The following WDR36 variants were observed in gnomAD, a reference collection of about 807,000 sequenced individuals.
WDR36 encodes the protein WD repeat domain 36, also known as WD repeat-containing protein 36.
A neutral mutation model predicts 112.7 loss-of-function variants in WDR36; 63 were observed. That is an observed-to-expected ratio of 0.56 (90% CI 0.46 to 0.69). WDR36 has a LOEUF of 0.69. WDR36 is among the 30% of genes least tolerant of loss of function. WDR36 has a pLI of 0.00. For synonymous variants in WDR36, 410 were observed against 362.2 expected (o/e 1.13, Z -1.50); for missense variants, 1,226 against 1,070.3 (o/e 1.15, Z -2.03).
At position 111,123,835 on chromosome 5, in the gene WDR36, G is replaced by A. The variant is rs138125755; in HGVS notation, c.2179G>A (p.Val727Ile). Residue 727 changes from valine to isoleucine, a missense_variant, in exon 20 of 23, where the codon GTA becomes ATA. By Grantham distance (29) the Val-to-Ile change is conservative. Transcript: ENST00000513710. ...KKNKPKEPPK[V>I]PKSAPFFIPT... ...GAATAAACCAAAGGAACCACCCAAA[G>A]TACCCAAATCAGCACCATTTTTCAT... The A allele has an allele frequency of 6.2e-7, 1 of 1,613,784 alleles. No homozygotes were observed. Among genetic ancestry groups the A allele is most frequent in the Non-Finnish European group, 8.5e-7 (1 of 1,179,866 alleles).
intron 1 of WDR36, 127 bp downstream of exon 1, chr5:111,092,745 T>C: frequency 8.4e-7 from 1 of 1,183,934 alleles, no homozygotes; most frequent in African/African-American, 1.5e-5. Context: ...CTCCCTGTCC[T>C]ATTAATATTT....
rs530718158 is a variant in WDR36, at chr5:111,120,746, A to C, written c.2002+153A>C. 5.3e-5 allele frequency among the ~76,000 whole-genome samples: 8 copies of C among 152,280 alleles called. No individual in the cohort carries two copies. In the South Asian group the frequency reaches 1.7e-3, roughly 32 times the overall value. On this transcript the variant is annotated intron_variant, in intron 18 of 22. Coordinates refer to ENST00000513710, the MANE Select transcript of WDR36 (RefSeq NM_139281.3). ...GAATGACTTCATGAATTTATGCAAA[A>C]ATATAATTGATGTGGTATTGATAAG...
Position 111,092,352 on chromosome 5 carries a change from T to G in WDR36, c.-105T>G. 6.2e-7 allele frequency: 1 copy of G among 1,614,230 alleles called. No individual in the cohort carries two copies. The highest frequency in any genetic ancestry group is 2.2e-5 in the East Asian group (1 of 44,876). On this transcript the variant is annotated 5_prime_UTR_variant, in exon 1 of 23. Transcript: ENST00000513710. ...GCAGCGGGCGCCGGAAGCGGTGTTGTGTCTGCAGCTCTGGCAGAGGACTGT... is the reference window on the plus strand; with the variant it reads ...GCAGCGGGCGCCGGAAGCGGTGTTGGGTCTGCAGCTCTGGCAGAGGACTGT...
At chr5:111,115,309 C>A (rs531366762) in intron 16 of WDR36, among the ~76,000 whole-genome samples, 1 of 152,162 alleles carries the variant, frequency 6.6e-6, no homozygotes, top group Non-Finnish European at 1.5e-5. Context: ...TTAATTGCAA[C>A]TAAGCTAAGA....
chr5:111,118,901 G>C lies in WDR36; in HGVS notation c.1797-112G>C, dbSNP rs1245369862. On this transcript the variant is annotated intron_variant, in intron 16 of 22. Coordinates refer to ENST00000513710, the MANE Select transcript of WDR36 (RefSeq NM_139281.3). ...GATCAATGCTGGTGATTAAAAAAAA[G>C]AAAACATTTTCTGCATCTCTTATCC... 5 of 832,040 alleles carry C rather than the reference G, an allele frequency of 6.0e-6. No homozygotes were observed. In the African/African-American group the frequency reaches 8.4e-5, roughly 14 times the overall value. 51.5% of individuals were successfully genotyped at this position (832,040 alleles called of 1,614,324 possible). A position where few individuals can be genotyped will look rare whatever the true frequency, so the allele number is the denominator to read the frequency against.
chr5:111,110,312 T>A lies in WDR36; in HGVS notation c.1441+9T>A. 7 of 1,598,366 alleles carry A rather than the reference T, an allele frequency of 4.4e-6. No homozygotes were observed. Among genetic ancestry groups the A allele is most frequent in the Non-Finnish European group, 6.0e-6 (7 of 1,166,536 alleles). ...TTTTGGCAAGGATCAAGGTAGAGAATTTTTTTCCTTGTTTTTTATTAATGT... is the reference window on the plus strand; with the variant it reads ...TTTTGGCAAGGATCAAGGTAGAGAAATTTTTTCCTTGTTTTTTATTAATGT... On this transcript the variant is annotated intron_variant, in intron 13 of 22. Coordinates refer to ENST00000513710, the MANE Select transcript of WDR36 (RefSeq NM_139281.3).
chr5:111,120,500 A>G lies in WDR36; in HGVS notation c.1909A>G (p.Asn637Asp). Reference protein sequence around the residue: ...VDHLGIYLWSNISLYSVVSLR... With the variant: ...VDHLGIYLWSDISLYSVVSLR... The stretch of plus-strand genomic sequence containing the variant: ...GCTTATGTTTTGATTTTTCAGGTCC[A>G]ATATTTCCCTGTATTCAGTTGTTTC... Residue 637 changes from asparagine (N) to aspartate (D), a missense_variant, in exon 18 of 23, where the codon AAT becomes GAT. Physicochemically the swap from Asn to Asp is conservative, Grantham distance 23. Coordinates refer to ENST00000513710, the MANE Select transcript of WDR36 (RefSeq NM_139281.3). 1 of 1,611,478 alleles carries G rather than the reference A, an allele frequency of 6.2e-7. No individual in the cohort carries two copies. Among genetic ancestry groups the G allele is most frequent in the South Asian group, 1.1e-5 (1 of 90,980 alleles).
intron 16 of WDR36, among the ~76,000 whole-genome samples, chr5:111,118,587 A>C (rs1480015405): frequency 6.6e-6 from 1 of 152,128 alleles, no homozygotes; most frequent in Non-Finnish European, 1.5e-5. Flanking sequence ...ATTTTGTTAT[A>C]TTACTTTCTC....
intron 2 of WDR36, 77 bp from the exon 3 acceptor site, chr5:111,097,002 A>C: frequency 1.0e-6 from 1 of 973,178 alleles, no homozygotes; most frequent in South Asian, 1.4e-5. Context: ...AGCCATGAAA[A>C]ATGTTATATG....
chr5:111,093,947 G>T (rs1159750708), intron 1 of WDR36, among the ~76,000 whole-genome samples: 1 of 152,098 alleles, frequency 6.6e-6, no homozygotes, highest in Non-Finnish European at 1.5e-5. Flanking sequence ...GCATGTAAAT[G>T]TTCTTTACCC....
In WDR36 at chr5:111,092,592, G is replaced by A. The variant is rs1383067612; in HGVS notation, c.136G>A (p.Val46Met). Residue 46 changes from valine to methionine, a missense_variant, in exon 1 of 23, where the codon GTG (valine) becomes ATG (methionine). Physicochemically the swap from Val to Met is conservative, Grantham distance 21. Coordinates refer to ENST00000513710, the MANE Select transcript of WDR36 (RefSeq NM_139281.3). ...GCGCCGGTTCTATGTAACAACCTGC[G>A]TGGGCAAGAGTTTCCACACCTATGA... The part of the protein sequence containing the change: ...LKRRFYVTTC[V>M]GKSFHTYDVQ... 1.2e-6 allele frequency: 2 copies of A among 1,613,812 alleles called. No homozygotes were observed. Among genetic ancestry groups the A allele is most frequent in the South Asian group, 2.2e-5 (2 of 91,058 alleles).
intron 11 of WDR36, among the ~76,000 whole-genome samples, chr5:111,106,695 T>A (rs1414890979): frequency 6.6e-6 from 1 of 151,460 alleles, no homozygotes; most frequent in Non-Finnish European, 1.5e-5. Context: ...CTAAAAACAT[T>A]TGAATCACAT....
chr5:111,102,361 T>C lies in WDR36; in HGVS notation c.559T>C (p.Phe187Leu), dbSNP rs1053782133. ...TTCTTGTAGTAAACTTCTATATACA[T>C]TTCCAGGATGGAAAGTTGGAGTGAC... ...NVKSNKLLYT[F>L]PGWKVGVTAL... Residue 187 changes from phenylalanine (F) to leucine (L), a missense_variant, in exon 6 of 23, where the codon TTT (phenylalanine) becomes CTT (leucine). Transcript: ENST00000513710. 2 of 1,610,458 alleles carry C rather than the reference T, an allele frequency of 1.2e-6. No individual in the cohort carries two copies. Among genetic ancestry groups the C allele is most frequent in the Non-Finnish European group, 1.7e-6 (2 of 1,177,654 alleles).
intron 16 of WDR36, among the ~76,000 whole-genome samples, chr5:111,117,457 C>A (rs572033867): frequency 6.6e-6 from 1 of 152,248 alleles, no homozygotes; most frequent in African/African-American, 2.4e-5. Context: ...TGTAGGCATA[C>A]CCTCAGTGTG....
At position 111,107,427 on chromosome 5, in the gene WDR36, C is replaced by T. The variant is rs1206133290; in HGVS notation, c.1314C>T (p.Asp438=). ...AGCCAAAAGAGTTGAAGAAAGATGA[C>T]ATAACTGCAACAGTAAGTGAGCTTG... The part of the protein sequence containing the change: ...FLKPKELKKD[D]ITATAVDITS... Residue 438 remains aspartate (D), a synonymous_variant, in exon 12 of 23, where the codon GAC becomes GAT. Transcript: ENST00000513710. The T allele has an allele frequency of 6.2e-7, 1 of 1,609,808 alleles. No individual in the cohort carries two copies. The highest frequency in any genetic ancestry group is 1.3e-5 in the African/African-American group (1 of 74,686).
rs200639527 is a variant in WDR36 at position 111,092,439 on chromosome 5, G to A, written c.-18G>A. On this transcript the variant is annotated 5_prime_UTR_variant, in exon 1 of 23. Coordinates refer to ENST00000513710, the MANE Select transcript of WDR36 (RefSeq NM_139281.3). ...TCCTTCAGGACCAGAGCTGAGAGGA[G>A]CTGGGATCGCGGCGGCAATGGAACG... 7.4e-6 allele frequency: 12 copies of A among 1,614,238 alleles called. No homozygotes were observed. In the East Asian group the frequency reaches 2.2e-4, roughly 30 times the overall value.
Position 111,127,859 on chromosome 5 carries a change from T to G in WDR36, c.*976T>G, listed in dbSNP as rs1291409643. The G allele has an allele frequency of 4.7e-6, 1 of 212,420 alleles. No homozygotes were observed. The highest frequency in any genetic ancestry group is 2.3e-5 in the African/African-American group (1 of 44,204). The allele number at this position is 212,420 out of a possible 1,614,324, so 13.2% of individuals were successfully genotyped here. On this transcript the variant is annotated 3_prime_UTR_variant, in exon 23 of 23. Coordinates refer to ENST00000513710, the MANE Select transcript of WDR36 (RefSeq NM_139281.3). ...GCAAACAATTTTTAGCAATATTGTT[T>G]ATTGCTACCACAGCCAAGAATGGGT...
In WDR36 at chr5:111,119,088, T is replaced by G. The variant is rs762345735; in HGVS notation, c.1872T>G (p.Thr624=). 2 of 1,613,612 alleles carry G rather than the reference T, an allele frequency of 1.2e-6. No homozygotes were observed. The highest frequency in any genetic ancestry group is 2.2e-5 in the South Asian group (2 of 91,072). The change falls in exon 17 of 23, where the codon ACT becomes ACG. Residue 624 remains threonine (T), a synonymous_variant. Transcript: ENST00000513710. The part of the protein sequence containing the change: ...SMSPTGDFLA[T]SHVDHLGIYL... ...CTCCTACTGGAGACTTTCTGGCAAC[T>G]TCCCATGTGGACCACCTTGGAATTT...
rs1157237590 is a variant in WDR36, at chr5:111,121,023, A to G, written c.2030A>G (p.Glu677Gly). The G allele has an allele frequency of 1.2e-6, 2 of 1,613,464 alleles. No individual in the cohort carries two copies. The highest frequency in any genetic ancestry group is 1.7e-5 in the Admixed American group (1 of 60,018). ...GTAGAAGTATCAGAAGAAACAGTAGAACCAAGTGATGAATTGATAGAATAT... is the reference window on the plus strand; with the variant it reads ...GTAGAAGTATCAGAAGAAACAGTAGGACCAAGTGATGAATTGATAGAATAT... The part of the protein sequence containing the change: ...QDVEVSEETV[E>G]PSDELIEYDS... Residue 677 changes from glutamate (E) to glycine (G), a missense_variant, in exon 19 of 23, where the codon GAA (glutamate) becomes GGA (glycine). Coordinates refer to ENST00000513710, the MANE Select transcript of WDR36 (RefSeq NM_139281.3).
Sources: allele counts gnomAD v4.1 joint callset (sites outside exome capture counted in the v4.1 genomes callset), GRCh38; gene constraint gnomAD v4.1.1; transcripts MANE v1.5; gene names NCBI Gene and HGNC (gene_info 2026-07-23, HGNC 2026-07-21).